Variants in MBP observed in about 807,000 individuals in gnomAD.
MBP encodes the protein myelin basic protein.
In MBP, 16 loss-of-function variants were observed where a neutral mutation model predicts 35.8. The observed-to-expected ratio is 0.45, with a 90% confidence interval of 0.30 to 0.68. MBP has a LOEUF of 0.68. Ranked by LOEUF, MBP falls within the 30% of genes least tolerant of loss-of-function variation. The pLI is 0.08. For missense variants in MBP, 380 were observed against 404.7 expected, an observed-to-expected ratio of 0.94 and a Z score of 0.52; for synonymous variants, 143 against 159.6, an observed-to-expected ratio of 0.90 and a Z score of 0.78.
At chr18:77,090,715 C>T (rs1975478693) in intron 2 of MBP, among the ~76,000 whole-genome samples, 5 of 152,218 alleles carry the variant, frequency 3.3e-5, no homozygotes, top group Admixed American at 3.3e-4. Context: ...CCTCACCTTC[C>T]TGACCCCGGG....
At chr18:77,050,937 G>C (rs1341493022) in intron 3 of MBP, among the ~76,000 whole-genome samples, 2 of 152,064 alleles carry the variant, frequency 1.3e-5, no homozygotes, top group African/African-American at 4.8e-5. Context: ...TTATTATGGT[G>C]TCCAGTTCCA....
intron 3 of MBP, among the ~76,000 whole-genome samples, chr18:77,055,063 C>T (rs76475534): frequency 0.028 from 4,328 of 152,252 alleles, 80 homozygotes; most frequent in Middle Eastern, 0.051. Flanking sequence ...TCTGGGAGGC[C>T]CCGCAGTTAG....
At chr18:77,012,412 C>T (rs1231322922) in intron 4 of MBP, among the ~76,000 whole-genome samples, 2 of 152,180 alleles carry the variant, frequency 1.3e-5, no homozygotes, top group African/African-American at 4.8e-5. Flanking sequence ...CGGGATGATG[C>T]TTTGAGAGAA....
intron 4 of MBP, among the ~76,000 whole-genome samples, chr18:76,999,155 A>G (rs532920351): frequency 1.8e-4 from 28 of 151,938 alleles, no homozygotes; most frequent in Non-Finnish European, 3.1e-4. Flanking sequence ...TAAAGAAACA[A>G]CGGGAGGAGG....
At chr18:77,094,059 C>T (rs1599233364) in intron 2 of MBP, among the ~76,000 whole-genome samples, 1 of 152,072 alleles carries the variant, frequency 6.6e-6, no homozygotes, top group East Asian at 1.9e-4. Flanking sequence ...TCACTGCAAC[C>T]TCCACCTCCT....
Position 77,020,111 on chromosome 18 carries a change from G to A in MBP, c.140-2843C>T, listed in dbSNP as rs1462335165. On this transcript the variant is annotated intron_variant, in intron 3 of 8. Transcript: ENST00000355994. The surrounding 1 kb of genome is among the most constrained non-coding windows in gnomAD (Gnocchi z 4.1). Reference sequence around the variant, plus strand: ...TGGGGAGGGAAGATTCTAGTGGACGGCCTCTGTGGAGGGATATGATGGAGA... The same window carrying A: ...TGGGGAGGGAAGATTCTAGTGGACGACCTCTGTGGAGGGATATGATGGAGA... Among the ~76,000 whole-genome samples the A allele has an allele frequency of 6.6e-6, 1 of 152,138 alleles. No individual in the cohort carries two copies. The highest frequency in any genetic ancestry group is 1.5e-5 in the Non-Finnish European group (1 of 68,010).
rs149026523 is a variant in MBP, at chr18:77,033,004, G to A, written c.140-15736C>T. 5.9e-5 allele frequency among the ~76,000 whole-genome samples: 9 copies of A among 152,228 alleles called. No homozygotes were observed. The East Asian group carries it at 1.5e-3, about 26-fold the overall frequency. ...ATTTTTTGAGGCTGAGTCTCACTCT[G>A]TGACCCAGGCTGGAGTGCGGAGGCA... is the stretch of plus-strand genomic sequence containing the variant. On this transcript the variant is annotated intron_variant, in intron 3 of 8. Coordinates refer to ENST00000355994, the MANE Select transcript of MBP (RefSeq NM_001025101.2).
rs376780389 is a variant in MBP at position 77,045,416 on chromosome 18, T to C, written c.139+20882A>G. Among the ~76,000 whole-genome samples the C allele has an allele frequency of 2.3e-3, 286 of 126,664 alleles. 1 individual carries two copies. Among genetic ancestry groups the C allele is most frequent in the Admixed American group, 4.9e-3 (63 of 12,978 alleles). 83.1% of individuals were successfully genotyped at this position (126,664 alleles called of 152,430 possible). A position where few individuals can be genotyped will look rare whatever the true frequency, so the allele number is the denominator to read the frequency against. On this transcript the variant is annotated intron_variant, in intron 3 of 8. Coordinates refer to ENST00000355994, the MANE Select transcript of MBP (RefSeq NM_001025101.2). ...GCACCAGGTCAGGGCCTCTGGAGCC[T>C]GGCTGCCAGCAGAGACATTTGCATG... is the stretch of plus-strand genomic sequence containing the variant.
At chr18:77,035,551 T>C (rs1972730817) in intron 3 of MBP, among the ~76,000 whole-genome samples, 1 of 152,226 alleles carries the variant, frequency 6.6e-6, no homozygotes, top group South Asian at 2.1e-4. Context: ...ATGAGAAACG[T>C]GCATCACTCA....
chr18:77,042,951 A>G (rs1270378921), intron 3 of MBP, among the ~76,000 whole-genome samples: 3 of 152,266 alleles, frequency 2.0e-5, no homozygotes, highest in African/African-American at 7.2e-5. Context: ...TCAAATGGGA[A>G]GAAAGGCGTT....
chr18:76,988,200 C>T lies in MBP; in HGVS notation c.750+295G>A, dbSNP rs549863766. ...TTTCTCGGACGTGGTGTTGCTCCCT[C>T]CCTGGGAGGGAGACCAGTCACGTCG... On this transcript the variant is annotated intron_variant, in intron 7 of 8. Coordinates refer to ENST00000355994, the MANE Select transcript of MBP (RefSeq NM_001025101.2). The surrounding 1 kb of genome is among the most constrained non-coding windows in gnomAD (Gnocchi z 5.2). The T allele has an allele frequency of 1.3e-6, 2 of 1,547,188 alleles. No homozygotes were observed. The highest frequency in any genetic ancestry group is 2.0e-5 in the Admixed American group (1 of 51,004).
At chr18:77,057,887 T>C (rs12954656) in intron 3 of MBP, among the ~76,000 whole-genome samples, 21,977 of 22,524 alleles carry the variant, frequency 0.98, 10,732 homozygotes, top group Admixed American at 0.98. Context: ...AGTGCAGTGG[T>C]GCGATCTCGG....
intron 3 of MBP, 161 bp downstream of exon 3, chr18:77,066,137 C>G (rs528683705): frequency 9.6e-6 from 6 of 627,484 alleles, no homozygotes; most frequent in African/African-American, 1.8e-5. Flanking sequence ...TGTGCGATTA[C>G]AGACATGAAG....
intron 4 of MBP, chr18:77,014,496 C>T: frequency 1.0e-6 from 1 of 985,468 alleles, no homozygotes; most frequent in Non-Finnish European, 1.2e-6. Context: ...CGTTTGCACA[C>T]CTCTTCGGCC....
chr18:77,008,922 C>T (rs1415496755), intron 4 of MBP, among the ~76,000 whole-genome samples: 3 of 152,208 alleles, frequency 2.0e-5, no homozygotes, highest in African/African-American at 4.8e-5. Context: ...ATGGTCCCCC[C>T]TTGCCGGCCT....
intron 3 of MBP, among the ~76,000 whole-genome samples, chr18:77,039,396 G>T (rs535377708): frequency 6.6e-6 from 1 of 152,256 alleles, no homozygotes; most frequent in Admixed American, 6.5e-5. Flanking sequence ...TGAAGCCAGG[G>T]TGAGAGACTA....
intron 2 of MBP, among the ~76,000 whole-genome samples, chr18:77,084,020 T>C (rs35099759): frequency 6.7e-6 from 1 of 148,722 alleles, no homozygotes; most frequent in Admixed American, 6.7e-5. Context: ...TTTTTTTTTT[T>C]AAAAAACCCA....
intron 4 of MBP, chr18:77,009,880 C>G: frequency 6.3e-7 from 1 of 1,594,958 alleles, no homozygotes. Context: ...AGGCTGGCTG[C>G]GGGCATGAGA....
chr18:76,986,088 A>G (rs2123094087), intron 7 of MBP: 7 of 985,530 alleles, frequency 7.1e-6, no homozygotes, highest in Non-Finnish European at 8.4e-6. Flanking sequence ...GACGTTAACA[A>G]TGGGGGGCGA....
Sources: gnomAD v4.1 joint callset for allele counts (sites outside exome capture counted in the v4.1 genomes callset) on GRCh38, gnomAD v4.1.1 for gene constraint, Gnocchi (gnomAD v3.1) non-coding constraint, MANE v1.5 for transcripts, NCBI Gene and HGNC (gene_info 2026-07-23, HGNC 2026-07-21) for gene names.